Variants in RFX3 observed in about 807,000 individuals in gnomAD.
The protein encoded by RFX3 is transcription factor RFX3.
RFX3 carries 14 observed loss-of-function variants against 98.6 expected under a neutral mutation model. The observed-to-expected ratio is 0.14, with a 90% CI of 0.09 to 0.22. The LOEUF (loss-of-function observed/expected upper bound fraction) is 0.22, where lower values mean the gene tolerates loss of function less well. Ranked by LOEUF, RFX3 falls within the 10% of genes least tolerant of loss-of-function variation. The pLI is 1.00. For synonymous variants in RFX3, 383 were observed against 328.4 expected (o/e 1.17, Z -1.80); for missense variants, 639 against 926.9 (o/e 0.69, Z 4.03).
intron 1 of RFX3, among the ~76,000 whole-genome samples, chr9:3,457,196 A>G (rs1174397674): frequency 4.0e-5 from 6 of 151,544 alleles, no homozygotes; most frequent in African/African-American, 1.5e-4. Flanking sequence ...AAGGATAAAC[A>G]TAAAACCTAC....
Position 3,270,920 on chromosome 9 carries a change from C to A in RFX3, c.1202+83G>T. 3.8e-6 allele frequency: 6 copies of A among 1,591,630 alleles called. No individual in the cohort carries two copies. In the South Asian group the frequency reaches 5.6e-5, roughly 15 times the overall value. Reference sequence around the variant, plus strand: ...AATTAATGTCATCAGGTAAGGTTCACAACTGGTATACATATCTCTAATTTA... The same window carrying A: ...AATTAATGTCATCAGGTAAGGTTCAAAACTGGTATACATATCTCTAATTTA... On this transcript the variant is annotated intron_variant, in intron 10 of 16. Coordinates refer to ENST00000617270, the MANE Select transcript of RFX3 (RefSeq NM_001282116.2).
intron 14 of RFX3, among the ~76,000 whole-genome samples, chr9:3,255,229 A>G (rs1033429711): frequency 6.6e-6 from 1 of 152,254 alleles, no homozygotes; most frequent in Non-Finnish European, 1.5e-5. Flanking sequence ...AGGAACTACC[A>G]TCATAATTAA....
intron 4 of RFX3, chr9:3,324,112 A>G: frequency 2.6e-6 from 1 of 391,720 alleles, no homozygotes; most frequent in Non-Finnish European, 5.7e-6. Context: ...AAAAAGGGAC[A>G]CAGGAAAACA....
intron 1 of RFX3, among the ~76,000 whole-genome samples, chr9:3,414,587 G>GTA (rs370963827): frequency 1.9e-4 from 27 of 145,536 alleles, no homozygotes; most frequent in South Asian, 1.3e-3. Context: ...CTGCAATGTG[G>GTA]TATATATATA....
intron 1 of RFX3, among the ~76,000 whole-genome samples, chr9:3,478,115 C>A (rs1290479773): frequency 6.6e-6 from 1 of 152,084 alleles, no homozygotes. Context: ...AACTTAAAGA[C>A]TACAAAGTCT....
chr9:3,304,451 C>T (rs943941868), intron 4 of RFX3, among the ~76,000 whole-genome samples: 1 of 151,946 alleles, frequency 6.6e-6, no homozygotes, highest in South Asian at 2.1e-4. Flanking sequence ...AGGGTATACA[C>T]ATGGTCATAT....
At chr9:3,390,600 C>T (rs563010812) in intron 2 of RFX3, among the ~76,000 whole-genome samples, 5 of 152,216 alleles carry the variant, frequency 3.3e-5, no homozygotes, top group Non-Finnish European at 5.9e-5. Context: ...GGGAGGAACC[C>T]GGTGGGAGGC....
chr9:3,390,577 C>G (rs193093716), intron 2 of RFX3, among the ~76,000 whole-genome samples: 3 of 152,126 alleles, frequency 2.0e-5, no homozygotes, highest in African/African-American at 7.2e-5. Flanking sequence ...TCCCACAATT[C>G]CCACATTGTT....
At chr9:3,352,120 G>C (rs1385965853) in intron 2 of RFX3, among the ~76,000 whole-genome samples, 1 of 151,930 alleles carries the variant, frequency 6.6e-6, no homozygotes, top group Admixed American at 6.6e-5. Context: ...TTTTAGGCAA[G>C]ATTGCCAATA....
At chr9:3,415,225 A>G (rs1378092936) in intron 1 of RFX3, among the ~76,000 whole-genome samples, 3 of 145,888 alleles carry the variant, frequency 2.1e-5, no homozygotes, top group African/African-American at 5.0e-5. Flanking sequence ...TCATATATAT[A>G]TATATAAGAG....
intron 1 of RFX3, among the ~76,000 whole-genome samples, chr9:3,497,595 G>C (rs932466391): frequency 1.3e-5 from 2 of 151,616 alleles, no homozygotes; most frequent in East Asian, 3.9e-4. Flanking sequence ...ATATCAGATG[G>C]GTGTATAAAA....
At chr9:3,491,840 T>C (rs186749162) in intron 1 of RFX3, among the ~76,000 whole-genome samples, 46 of 152,344 alleles carry the variant, frequency 3.0e-4, no homozygotes, top group African/African-American at 1.1e-3. Flanking sequence ...TATTCAATTA[T>C]TCATTTAAGA....
intron 2 of RFX3, among the ~76,000 whole-genome samples, chr9:3,384,340 C>A: frequency 6.6e-6 from 1 of 152,208 alleles, no homozygotes; most frequent in East Asian, 1.9e-4. Context: ...ATGTGCCCCA[C>A]TCCTGAAAGC....
At chr9:3,514,921 G>C (rs1818005024) in intron 1 of RFX3, among the ~76,000 whole-genome samples, 1 of 152,040 alleles carries the variant, frequency 6.6e-6, no homozygotes, top group South Asian at 2.1e-4. Flanking sequence ...TCATATAATA[G>C]CTTTTCATGT....
intron 1 of RFX3, among the ~76,000 whole-genome samples, chr9:3,506,978 T>C (rs963799322): frequency 6.6e-6 from 1 of 151,908 alleles, no homozygotes; most frequent in African/African-American, 2.4e-5. Context: ...GTGAAATGTG[T>C]TTTCTAAAAT....
At chr9:3,373,803 G>T (rs960221955) in intron 2 of RFX3, among the ~76,000 whole-genome samples, 3 of 152,206 alleles carry the variant, frequency 2.0e-5, no homozygotes, top group Non-Finnish European at 4.4e-5. Flanking sequence ...TACCAGCCAA[G>T]CACAGTGGCT....
chr9:3,322,157 A>G (rs1198400552), intron 4 of RFX3, among the ~76,000 whole-genome samples: 1 of 152,168 alleles, frequency 6.6e-6, no homozygotes, highest in African/African-American at 2.4e-5. Flanking sequence ...CAAAAAAACT[A>G]TTGGTATTAT....
chr9:3,392,931 A>G (rs1047960887), intron 2 of RFX3, among the ~76,000 whole-genome samples: 2 of 152,064 alleles, frequency 1.3e-5, no homozygotes, highest in African/African-American at 4.8e-5. Context: ...TAAGCACTGA[A>G]TTTACTGAAT....
rs562482027 is a variant in RFX3, at chr9:3,394,515, C to T, written c.117+957G>A. Among the ~76,000 whole-genome samples the T allele has an allele frequency of 3.9e-5, 6 of 152,238 alleles. No homozygotes were observed. In the South Asian group the frequency reaches 1.2e-3, roughly 32 times the overall value. ...GATTATCTCAGATGTCTTTACTTAT[C>T]CTAAAAGCCAATGACTTCTGTACGA... On this transcript the variant is annotated intron_variant, in intron 2 of 16. Transcript: ENST00000617270.
Sources: allele counts gnomAD v4.1 joint callset (sites outside exome capture counted in the v4.1 genomes callset), GRCh38; gene constraint gnomAD v4.1.1; transcripts MANE v1.5; gene names NCBI Gene and HGNC (gene_info 2026-07-23, HGNC 2026-07-21).